PDE4D: variants seen among roughly 807,000 people sequenced by gnomAD.
PDE4D encodes the protein 3',5'-cyclic-AMP phosphodiesterase 4D.
In PDE4D, 24 loss-of-function variants were observed where a neutral mutation model predicts 87.4. That is an observed-to-expected ratio of 0.27 (90% confidence interval 0.20 to 0.39). The LOEUF is 0.39. Ranked by LOEUF, PDE4D falls within the 10% of genes least tolerant of loss-of-function variation. The pLI, the probability that PDE4D is intolerant of heterozygous loss-of-function variation, is 1.00. For missense variants in PDE4D, 714 were observed against 1,041.0 expected (o/e 0.69, Z 4.32); for synonymous variants, 384 against 383.2 (o/e 1.00, Z -0.02).
At chr5:59,028,486 G>A (rs796607024) in intron 6 of PDE4D, among the ~76,000 whole-genome samples, 3 of 149,778 alleles carry the variant, frequency 2.0e-5, no homozygotes, top group African/African-American at 7.4e-5. Flanking sequence ...TATGATTCCT[G>A]ACTCAGTCGA....
At chr5:60,291,686 A>T (rs1202819571) in intron 1 of PDE4D, among the ~76,000 whole-genome samples, 1 of 151,940 alleles carries the variant, frequency 6.6e-6, no homozygotes, top group Non-Finnish European at 1.5e-5. Flanking sequence ...TATAAAAAAC[A>T]AAATTAAAAA....
chr5:59,429,666 T>C (rs1300376257), intron 1 of PDE4D, among the ~76,000 whole-genome samples: 1 of 152,174 alleles, frequency 6.6e-6, no homozygotes, highest in Non-Finnish European at 1.5e-5. Flanking sequence ...CATTGTTAAT[T>C]GCTGAAGAAA....
chr5:59,190,891 G>A (rs187685305), intron 3 of PDE4D, among the ~76,000 whole-genome samples: 16 of 152,098 alleles, frequency 1.1e-4, no homozygotes, highest in African/African-American at 3.6e-4. Context: ...TTATACTCCA[G>A]TAAAAGGCCA....
chr5:60,365,389 A>G (rs948302398), intron 1 of PDE4D, among the ~76,000 whole-genome samples: 5 of 152,192 alleles, frequency 3.3e-5, no homozygotes, highest in African/African-American at 1.2e-4. Flanking sequence ...GCAAGACAAG[A>G]ATCCCAAGAT....
At chr5:59,400,736 T>TA (rs745920841) in intron 1 of PDE4D, among the ~76,000 whole-genome samples, 3 of 122,856 alleles carry the variant, frequency 2.4e-5, no homozygotes, top group Admixed American at 8.0e-5. Context: ...AGTATAATAA[T>TA]AAAAAAAATA....
At chr5:59,601,248 T>C (rs1827465603) in intron 1 of PDE4D, among the ~76,000 whole-genome samples, 1 of 152,154 alleles carries the variant, frequency 6.6e-6, no homozygotes, top group African/African-American at 2.4e-5. Flanking sequence ...TAAGCTATCA[T>C]AATTGTCCTT....
intron 1 of PDE4D, among the ~76,000 whole-genome samples, chr5:59,485,183 T>C (rs1804910464): frequency 6.6e-6 from 1 of 152,174 alleles, no homozygotes; most frequent in Non-Finnish European, 1.5e-5. Flanking sequence ...CAGTAAGTAG[T>C]TACTTGTTAT....
intron 5 of PDE4D, among the ~76,000 whole-genome samples, chr5:59,140,021 T>C (rs562103114): frequency 5.3e-5 from 8 of 152,340 alleles, no homozygotes; most frequent in South Asian, 4.1e-4. Context: ...GAACTAAAGA[T>C]GATGGATTCC....
At chr5:60,449,113 A>G (rs1483372103) in intron 1 of PDE4D, among the ~76,000 whole-genome samples, 1 of 149,308 alleles carries the variant, frequency 6.7e-6, no homozygotes, top group Non-Finnish European at 1.5e-5. Flanking sequence ...TCATGAAAAT[A>G]TGTTTTAAAA....
At chr5:60,257,662 AGC>A (rs1749232658) in intron 1 of PDE4D, among the ~76,000 whole-genome samples, 1 of 151,952 alleles carries the variant, frequency 6.6e-6, no homozygotes, top group African/African-American at 2.4e-5. Context: ...TGCTAGAGAA[AGC>A]ACTTCTGCCA....
At chr5:59,601,304 T>C (rs1036380672) in intron 1 of PDE4D, among the ~76,000 whole-genome samples, 5 of 152,134 alleles carry the variant, frequency 3.3e-5, no homozygotes, top group African/African-American at 7.2e-5. Context: ...CCCACAACAT[T>C]GTTTTTATAT....
intron 2 of PDE4D, among the ~76,000 whole-genome samples, chr5:59,205,957 G>C (rs1448570903): frequency 6.6e-6 from 1 of 151,988 alleles, no homozygotes; most frequent in Non-Finnish European, 1.5e-5. Flanking sequence ...TTTGTTGAGG[G>C]GTGAGCAGTT....
At chr5:60,426,124 C>T (rs368714181) in intron 1 of PDE4D, among the ~76,000 whole-genome samples, 6 of 152,176 alleles carry the variant, frequency 3.9e-5, no homozygotes, top group Non-Finnish European at 1.5e-5. Flanking sequence ...GACAGTGTGG[C>T]GTTTCCTCAA....
intron 1 of PDE4D, among the ~76,000 whole-genome samples, chr5:59,472,423 T>G (rs1402236615): frequency 6.6e-6 from 1 of 152,108 alleles, no homozygotes; most frequent in African/African-American, 2.4e-5. Context: ...TTCATCATCA[T>G]AAATCATTTC....
At chr5:59,574,072 TTATA>T (rs1168178213) in intron 1 of PDE4D, among the ~76,000 whole-genome samples, 2 of 12,346 alleles carry the variant, frequency 1.6e-4, no homozygotes, top group Non-Finnish European at 3.2e-4. Context: ...ATATATATAT[TTATA>T]TATATATTTA....
intron 1 of PDE4D, among the ~76,000 whole-genome samples, chr5:59,274,693 C>T (rs1035117314): frequency 6.6e-6 from 1 of 152,064 alleles, no homozygotes; most frequent in African/African-American, 2.4e-5. Context: ...TGCTGATTAG[C>T]ATATCAAATC....
intron 1 of PDE4D, among the ~76,000 whole-genome samples, chr5:59,288,474 A>G (rs1184390049): frequency 1.3e-5 from 2 of 152,060 alleles, no homozygotes; most frequent in African/African-American, 2.4e-5. Context: ...TCAAAAGGGC[A>G]AATCTAAGAG....
chr5:60,159,939 T>G (rs1782328704), intron 2 of PDE4D, among the ~76,000 whole-genome samples: 1 of 152,156 alleles, frequency 6.6e-6, no homozygotes, highest in South Asian at 2.1e-4. Context: ...AGATTTACAG[T>G]TGATCCTTAA....
chr5:59,617,243 T>C (rs974557662), intron 1 of PDE4D, among the ~76,000 whole-genome samples: 5 of 152,028 alleles, frequency 3.3e-5, no homozygotes, highest in Non-Finnish European at 7.4e-5. Flanking sequence ...AGAGCTCAAT[T>C]TGGAAACCAG....
Sources: gnomAD v4.1 joint callset for allele counts (sites outside exome capture counted in the v4.1 genomes callset) on GRCh38, gnomAD v4.1.1 for gene constraint, MANE v1.5 for transcripts, NCBI Gene and HGNC (gene_info 2026-07-23, HGNC 2026-07-21) for gene names.